PML: variants seen among roughly 807,000 people sequenced by gnomAD.
PML encodes PML nuclear body scaffold, also known as protein PML.
PML carries 28 observed loss-of-function variants against 65.2 expected under a neutral mutation model. That is an observed-to-expected ratio of 0.43 (90% CI 0.32 to 0.59). The LOEUF (loss-of-function observed/expected upper bound fraction) is 0.59. Ranked by LOEUF, PML falls within the 20% of genes least tolerant of loss-of-function variation. The pLI is 0.08. For synonymous variants in PML, 500 were observed against 508.8 expected (o/e 0.98, Z 0.23); for missense variants, 1,021 against 1,203.4 (o/e 0.85, Z 2.24).
chr15:73,994,857 C>T lies in PML; in HGVS notation c.45C>T (p.Pro15=). 6.4e-7 allele frequency: 1 copy of T among 1,559,290 alleles called. No individual in the cohort carries two copies. The highest frequency in any genetic ancestry group is 8.7e-7 in the Non-Finnish European group (1 of 1,151,202). The change falls in exon 1 of 9, where the codon CCC becomes CCT. Residue 15 remains proline (P), a synonymous_variant. Transcript: ENST00000268058. ...PARSPRPQQD[P]ARPQEPTMPP... is the part of the protein sequence containing the mutation. The stretch of plus-strand genomic sequence containing the variant: ...GATCTCCGAGGCCCCAGCAGGACCC[C>T]GCCCGGCCCCAGGAGCCCACCATGC...
intron 2 of PML, among the ~76,000 whole-genome samples, chr15:74,019,525 A>C (rs533292264): frequency 6.6e-6 from 1 of 152,076 alleles, no homozygotes; most frequent in Non-Finnish European, 1.5e-5. Context: ...GTCTTACTCT[A>C]CCCTCATTCC....
At position 74,002,356 on chromosome 15, in the gene PML, T is replaced by C. The variant is rs770305091; in HGVS notation, c.602+3880T>C. ...ATGTGTATATATGCATATATCTATA[T>C]GTATATATCCATATATATGTAAGTT... On this transcript the variant is annotated intron_variant, in intron 2 of 8. Coordinates refer to ENST00000268058, the MANE Select transcript of PML (RefSeq NM_033238.3). 2.7e-5 allele frequency among the ~76,000 whole-genome samples: 4 copies of C among 149,710 alleles called. No individual in the cohort carries two copies. The South Asian group carries it at 8.4e-4, about 32-fold the overall frequency.
intron 7 of PML, among the ~76,000 whole-genome samples, chr15:74,040,479 G>A (rs967867253): frequency 6.6e-6 from 1 of 152,236 alleles, no homozygotes; most frequent in Admixed American, 6.5e-5. Flanking sequence ...CCAAGGTGTG[G>A]GGCCTGGGGG....
rs1257627456 is a variant in PML at position 74,042,114 on chromosome 15, C to G, written c.1711-875C>G. Among the ~76,000 whole-genome samples the G allele has an allele frequency of 6.6e-6, 1 of 152,276 alleles. No homozygotes were observed. Among genetic ancestry groups the G allele is most frequent in the East Asian group, 1.9e-4 (1 of 5,206 alleles). On this transcript the variant is annotated intron_variant, in intron 7 of 8. Coordinates refer to ENST00000268058, the MANE Select transcript of PML (RefSeq NM_033238.3). This position sits in a 1 kb window ranked among gnomAD's most constrained non-coding sequence, Gnocchi z 5.3. ...CTCCACCTCCCTCTGTAGTCCCAGT[C>G]CCTTGGGAAAATCTCAGAGCTGGAG... is the stretch of plus-strand genomic sequence containing the variant.
intron 2 of PML, among the ~76,000 whole-genome samples, chr15:74,007,109 T>C (rs1168279854): frequency 6.6e-6 from 1 of 152,252 alleles, no homozygotes; most frequent in African/African-American, 2.4e-5. Context: ...GCTTTCCATC[T>C]TCGTGGCTGT....
intron 1 of PML, 152 bp downstream of exon 1, chr15:73,995,093 C>G: frequency 1.4e-6 from 1 of 722,376 alleles, no homozygotes; most frequent in Non-Finnish European, 2.2e-6. Flanking sequence ...CTGACCGTCT[C>G]GGGTGGGGCA....
chr15:74,011,288 T>G (rs972137739), intron 2 of PML, among the ~76,000 whole-genome samples: 6 of 152,278 alleles, frequency 3.9e-5, no homozygotes, highest in African/African-American at 1.2e-4. Context: ...CAAGGGTGGC[T>G]CAGGCTAGGG....
At chr15:74,044,177 C>T in intron 8 of PML, 44 bp from the exon 9 acceptor site, 1 of 1,600,476 alleles carries the variant, frequency 6.2e-7, no homozygotes, top group Non-Finnish European at 8.6e-7. Context: ...CCCCAGAGCT[C>T]TCTGTGACCC....
At chr15:74,025,489 C>T (rs2071033216) in intron 4 of PML, 1 of 167,018 alleles carries the variant, frequency 6.0e-6, no homozygotes, top group African/African-American at 2.4e-5. Flanking sequence ...CCGGGTTCTG[C>T]TGGTGTGATT....
Position 74,032,676 on chromosome 15 carries a change from A to G in PML, c.1359A>G (p.Pro453=). Residue 453 remains proline (P), a synonymous_variant, in exon 5 of 9, where the codon CCA becomes CCG. Transcript: ENST00000268058. ...VQSVPGAHPV[P]VYAFSIKGPS... ...CAGTGCCCGGGGCACACCCCGTGCCAGTGTACGCCTTCTCCATCAAAGGCC... is the reference window on the plus strand; with the variant it reads ...CAGTGCCCGGGGCACACCCCGTGCCGGTGTACGCCTTCTCCATCAAAGGCC... 1 of 1,614,172 alleles carries G rather than the reference A, an allele frequency of 6.2e-7. No individual in the cohort carries two copies. The highest frequency in any genetic ancestry group is 1.3e-5 in the African/African-American group (1 of 75,064).
Position 74,042,838 on chromosome 15 carries a change from A to G in PML, c.1711-151A>G. ...AGTTCACACCCATTCATGCACACAT[A>G]CCTTCTCTTGTGCACACGTCCCCTT... On this transcript the variant is annotated intron_variant, in intron 7 of 8. Coordinates refer to ENST00000268058, the MANE Select transcript of PML (RefSeq NM_033238.3). This position sits in a 1 kb window ranked among gnomAD's most constrained non-coding sequence, Gnocchi z 5.3. 1 of 1,542,730 alleles carries G rather than the reference A, an allele frequency of 6.5e-7. No homozygotes were observed. The highest frequency in any genetic ancestry group is 8.7e-7 in the Non-Finnish European group (1 of 1,150,710).
chr15:74,035,046 G>T lies in PML; in HGVS notation c.1710+516G>T. Reference sequence around the variant, plus strand: ...GGTAGTGACCCTTCTGTCCCTAGAGGTTTATTACTAGAGGCTGGACTATCA... The same window carrying T: ...GGTAGTGACCCTTCTGTCCCTAGAGTTTTATTACTAGAGGCTGGACTATCA... On this transcript the variant is annotated intron_variant, in intron 7 of 8. Coordinates refer to ENST00000268058, the MANE Select transcript of PML (RefSeq NM_033238.3). This position sits in a 1 kb window ranked among gnomAD's most constrained non-coding sequence, Gnocchi z 4.1. 1 of 1,428,390 alleles carries T rather than the reference G, an allele frequency of 7.0e-7. No individual in the cohort carries two copies. Among genetic ancestry groups the T allele is most frequent in the Non-Finnish European group, 9.8e-7 (1 of 1,025,008 alleles). 88.5% of individuals were successfully genotyped at this position (1,428,390 alleles called of 1,614,324 possible).
Position 74,035,928 on chromosome 15 carries a change from G to T in PML, c.1710+1398G>T. 2 of 1,613,952 alleles carry T rather than the reference G, an allele frequency of 1.2e-6. No homozygotes were observed. Among genetic ancestry groups the T allele is most frequent in the Non-Finnish European group, 1.7e-6 (2 of 1,180,018 alleles). ...AAGGCCCCCCATCAGCCCAGTCCCA[G>T]GCGCCCGTCAAGCAGGCCTCTGAGA... On this transcript the variant is annotated intron_variant, in intron 7 of 8. Coordinates refer to ENST00000268058, the MANE Select transcript of PML (RefSeq NM_033238.3). This position sits in a 1 kb window ranked among gnomAD's most constrained non-coding sequence, Gnocchi z 4.1.
chr15:74,027,004 ATAT>A (rs1354155136), intron 4 of PML: 4 of 152,198 alleles, frequency 2.6e-5, no homozygotes, highest in Admixed American at 1.3e-4. Context: ...TTACAAGCAA[ATAT>A]TATTATAGAT....
intron 2 of PML, among the ~76,000 whole-genome samples, chr15:74,007,696 C>T (rs1359321827): frequency 6.6e-6 from 1 of 152,098 alleles, no homozygotes; most frequent in East Asian, 1.9e-4. Context: ...CCTGGGGTGG[C>T]TGCCCTGGGG....
At chr15:74,040,333 G>T (rs2071667495) in intron 7 of PML, among the ~76,000 whole-genome samples, 1 of 152,130 alleles carries the variant, frequency 6.6e-6, no homozygotes, top group Non-Finnish European at 1.5e-5. Context: ...CTCACACGCA[G>T]GCTCAAGGCT....
rs947737996 is a variant in PML, at chr15:74,019,517, C to T, written c.603-3311C>T. On this transcript the variant is annotated intron_variant, in intron 2 of 8. Transcript: ENST00000268058. ...ATCTAAAAAGGTATGCAGTGAATGTCTTACTCTACCCTCATTCCACCCATC... is the reference window on the plus strand; with the variant it reads ...ATCTAAAAAGGTATGCAGTGAATGTTTTACTCTACCCTCATTCCACCCATC... Among the ~76,000 whole-genome samples the T allele has an allele frequency of 2.6e-5, 4 of 152,302 alleles. No homozygotes were observed. In the South Asian group the frequency reaches 8.3e-4, roughly 32 times the overall value.
At chr15:74,016,712 G>A (rs1353405424) in intron 2 of PML, among the ~76,000 whole-genome samples, 2 of 147,108 alleles carry the variant, frequency 1.4e-5, no homozygotes, top group African/African-American at 5.0e-5. Flanking sequence ...ATTTAGTGTT[G>A]TATAACTTGC....
intron 8 of PML, 57 bp from the exon 9 acceptor site, chr15:74,044,164 C>T (rs1356234017): frequency 6.3e-7 from 1 of 1,580,558 alleles, no homozygotes; most frequent in Non-Finnish European, 8.7e-7. Context: ...CCCCCTGCTC[C>T]CACCCCAGAG....
Sources: allele counts gnomAD v4.1 joint callset (sites outside exome capture counted in the v4.1 genomes callset), GRCh38; gene constraint gnomAD v4.1.1; non-coding constraint Gnocchi (gnomAD v3.1); transcripts MANE v1.5; gene names NCBI Gene and HGNC (gene_info 2026-07-23, HGNC 2026-07-21).